RBBP6: variants seen among roughly 807,000 people sequenced by gnomAD.
The protein encoded by RBBP6 is E3 ubiquitin-protein ligase RBBP6.
A neutral mutation model predicts 167.7 loss-of-function variants in RBBP6; 25 were observed. The observed-to-expected ratio is 0.15, with a 90% CI of 0.11 to 0.21. RBBP6 has a LOEUF of 0.21. Among genes scored for constraint, RBBP6 ranks in the 10% least tolerant of loss-of-function variants. The pLI is 1.00. For missense variants in RBBP6, 1,868 were observed against 2,134.2 expected, an observed-to-expected ratio of 0.88 and a Z score of 2.46; for synonymous variants, 789 against 735.8, an observed-to-expected ratio of 1.07 and a Z score of -1.17.
At chr16:24,542,145 T>G (rs1898515651) in intron 1 of RBBP6, among the ~76,000 whole-genome samples, 1 of 152,216 alleles carries the variant, frequency 6.6e-6, no homozygotes, top group Admixed American at 6.5e-5. Flanking sequence ...TGTGTAATCC[T>G]CTGCCTAAGG....
In RBBP6 at chr16:24,572,159, T is replaced by A. The variant is rs201540318; in HGVS notation, c.5093T>A (p.Val1698Asp). The change falls in exon 18 of 18, where the codon GTC (valine) becomes GAC (aspartate). Residue 1698 changes from valine to aspartate, a missense_variant. Transcript: ENST00000319715. ...SRNQSHSSPSVSPSRSHSPSG... is the reference protein window; with the variant it reads ...SRNQSHSSPSDSPSRSHSPSG... ...AATCAGAGCCACAGCAGCCCCAGCGTCAGCCCCAGCAGAAGCCACAGTCCT... is the reference window on the plus strand; with the variant it reads ...AATCAGAGCCACAGCAGCCCCAGCGACAGCCCCAGCAGAAGCCACAGTCCT... The A allele has an allele frequency of 6.2e-7, 1 of 1,613,692 alleles. No individual in the cohort carries two copies. The highest frequency in any genetic ancestry group is 8.5e-7 in the Non-Finnish European group (1 of 1,179,752).
chr16:24,548,112 G>A (rs1423557973), intron 2 of RBBP6, among the ~76,000 whole-genome samples: 14 of 151,734 alleles, frequency 9.2e-5, no homozygotes, highest in Admixed American at 9.2e-4. Context: ...CTATAGTCAA[G>A]ATACCTTAAA....
At chr16:24,542,486 T>A (rs1384000627) in intron 1 of RBBP6, among the ~76,000 whole-genome samples, 1 of 149,872 alleles carries the variant, frequency 6.7e-6, no homozygotes, top group Admixed American at 6.7e-5. Context: ...TGAAACAGAG[T>A]CTCACTCTGT....
chr16:24,554,114 T>C (rs556543074), intron 4 of RBBP6: 1 of 152,236 alleles, frequency 6.6e-6, no homozygotes, highest in East Asian at 1.9e-4. Context: ...TGTAAAGCTG[T>C]TTGCAGGAAT....
At chr16:24,547,320 A>G (rs1244536078) in intron 2 of RBBP6, among the ~76,000 whole-genome samples, 2 of 152,154 alleles carry the variant, frequency 1.3e-5, no homozygotes, top group African/African-American at 2.4e-5. Flanking sequence ...TTTGTGCAGT[A>G]TCTTCCATAT....
At chr16:24,557,235 G>C (rs1898934440) in intron 7 of RBBP6, among the ~76,000 whole-genome samples, 1 of 151,930 alleles carries the variant, frequency 6.6e-6, no homozygotes, top group African/African-American at 2.4e-5. Flanking sequence ...ACCCGCCTCG[G>C]CCTCTCAAAG....
Position 24,571,431 on chromosome 16 carries a change from A to G in RBBP6, c.4365A>G (p.Lys1455=). ...CCAAAGAGGCTAGAACGTCAGATAAACATGATTCCACTCGTGCTTCCTCAA... is the reference window on the plus strand; with the variant it reads ...CCAAAGAGGCTAGAACGTCAGATAAGCATGATTCCACTCGTGCTTCCTCAA... The part of the protein sequence containing the change: ...QSSKEARTSD[K]HDSTRASSNK... Residue 1455 remains lysine, a synonymous_variant, in exon 18 of 18, where the codon AAA becomes AAG. Coordinates refer to ENST00000319715, the MANE Select transcript of RBBP6 (RefSeq NM_006910.5). 1 of 1,613,364 alleles carries G rather than the reference A, an allele frequency of 6.2e-7. No homozygotes were observed. The highest frequency in any genetic ancestry group is 1.1e-5 in the South Asian group (1 of 90,880).
At position 24,571,825 on chromosome 16, in the gene RBBP6, CTACTT is replaced by C; in HGVS notation, c.4762_4766del (p.Leu1588TyrfsTer3). The C allele has an allele frequency of 6.2e-7, 1 of 1,614,066 alleles. No individual in the cohort carries two copies. Among genetic ancestry groups the C allele is most frequent in the Non-Finnish European group, 8.5e-7 (1 of 1,179,988 alleles). ...CAATAAAGAGTCAAGTGGCAATAAA[CTACTT>C]TATATACTTAACCCACCAGAGACAC... is the stretch of plus-strand genomic sequence containing the variant. On this transcript the variant is annotated frameshift_variant, in exon 18 of 18. Coordinates refer to ENST00000319715, the MANE Select transcript of RBBP6 (RefSeq NM_006910.5). LOFTEE classifies it high-confidence loss of function.
intron 7 of RBBP6, among the ~76,000 whole-genome samples, chr16:24,557,350 C>G (rs1428706607): frequency 6.6e-6 from 1 of 152,112 alleles, no homozygotes; most frequent in Non-Finnish European, 1.5e-5. Context: ...AATGGACAGA[C>G]ATGAAAATTC....
intron 3 of RBBP6, among the ~76,000 whole-genome samples, chr16:24,551,687 T>TA (rs1898800027): frequency 6.6e-6 from 1 of 151,740 alleles, no homozygotes; most frequent in Non-Finnish European, 1.5e-5. Context: ...ATTTTTTTTT[T>TA]ATTCTTAAGT....
intron 15 of RBBP6, 66 bp downstream of exon 15, chr16:24,567,571 G>A (rs1057359835): frequency 6.7e-7 from 1 of 1,488,938 alleles, no homozygotes; most frequent in South Asian, 1.4e-5. Flanking sequence ...TTAAATAGGT[G>A]TCTGGAAACG....
chr16:24,563,123 ACAG>A, intron 10 of RBBP6, 73 bp from the exon 11 acceptor site: 3 of 1,179,292 alleles, frequency 2.5e-6, no homozygotes, highest in Non-Finnish European at 3.6e-6. Flanking sequence ...TGATGGGTAA[ACAG>A]CAGCAAACTT....
At chr16:24,559,418 T>C (rs1898994738) in intron 7 of RBBP6, 87 bp from the exon 8 acceptor site, 4 of 1,116,576 alleles carry the variant, frequency 3.6e-6, no homozygotes, top group South Asian at 3.3e-5. Context: ...CGCTGAATTA[T>C]GTGTTCCCAT....
chr16:24,563,518 T>C lies in RBBP6; in HGVS notation c.1465+17T>C. 1.2e-6 allele frequency: 2 copies of C among 1,612,928 alleles called. No homozygotes were observed. Among genetic ancestry groups the C allele is most frequent in the South Asian group, 1.1e-5 (1 of 91,026 alleles). On this transcript the variant is annotated intron_variant, in intron 12 of 17. Transcript: ENST00000319715. ...CCACAACTGGTGAGTAAGATCACTT[T>C]GGTTTAGACCTTTTTCCCTTTAAAA... is the stretch of plus-strand genomic sequence containing the variant.
intron 1 of RBBP6, among the ~76,000 whole-genome samples, chr16:24,545,362 G>A (rs1244886282): frequency 6.6e-6 from 1 of 152,108 alleles, no homozygotes; most frequent in African/African-American, 2.4e-5. Flanking sequence ...GTGAACCACC[G>A]CGCCTGGCCA....
chr16:24,566,664 C>G (rs763052694), intron 14 of RBBP6, among the ~76,000 whole-genome samples: 7 of 152,156 alleles, frequency 4.6e-5, no homozygotes, highest in Non-Finnish European at 8.8e-5. Flanking sequence ...TTCGCTTGAA[C>G]CCAGGAGGTG....
intron 16 of RBBP6, 59 bp from the exon 17 acceptor site, chr16:24,568,686 C>T: frequency 6.6e-7 from 1 of 1,525,748 alleles, no homozygotes; most frequent in South Asian, 1.3e-5. Flanking sequence ...ATCTGAGAGT[C>T]TGTGTTTTAT....
At chr16:24,553,343 T>TTAG (rs1898842463) in intron 3 of RBBP6, 170 bp from the exon 4 acceptor site, 2 of 504,954 alleles carry the variant, frequency 4.0e-6, no homozygotes, top group South Asian at 6.8e-5. Context: ...CTGTGTGAAA[T>TTAG]ATCTAGAGAA....
chr16:24,558,023 A>C (rs763927443), intron 7 of RBBP6, among the ~76,000 whole-genome samples: 11 of 152,196 alleles, frequency 7.2e-5, no homozygotes, highest in Non-Finnish European at 1.0e-4. Flanking sequence ...GTCTGTTGTT[A>C]TGCTGTTTCT....
Sources: allele counts gnomAD v4.1 joint callset (sites outside exome capture counted in the v4.1 genomes callset), GRCh38; gene constraint gnomAD v4.1.1; transcripts MANE v1.5; gene names NCBI Gene and HGNC (gene_info 2026-07-23, HGNC 2026-07-21).